Variants in UBR1 observed in about 807,000 individuals in gnomAD.
UBR1 encodes E3 ubiquitin-protein ligase UBR1.
In UBR1, 102 loss-of-function variants were observed where a neutral mutation model predicts 242.1. The ratio of observed to expected loss-of-function variants is 0.42; its 90% CI spans 0.36 to 0.50. The LOEUF is 0.50. Among genes scored for constraint, UBR1 ranks in the 20% least tolerant of loss-of-function variants. The pLI is 0.01. For missense variants in UBR1, 1,772 were observed against 2,101.8 expected (o/e 0.84, Z 3.07); for synonymous variants, 675 against 684.8 (o/e 0.99, Z 0.22).
chr15:43,093,105 T>C (rs1195108125), intron 1 of UBR1, among the ~76,000 whole-genome samples: 2 of 152,236 alleles, frequency 1.3e-5, no homozygotes, highest in African/African-American at 4.8e-5. Flanking sequence ...AAAAAACAAG[T>C]TCTTAACAAG....
At chr15:43,099,729 C>G (rs1261639369) in intron 1 of UBR1, among the ~76,000 whole-genome samples, 1 of 152,122 alleles carries the variant, frequency 6.6e-6, no homozygotes, top group Non-Finnish European at 1.5e-5. Flanking sequence ...CAGCTGTGAA[C>G]AAGCAACAGT....
intron 3 of UBR1, among the ~76,000 whole-genome samples, chr15:43,077,831 T>C (rs189074123): frequency 3.4e-4 from 52 of 152,230 alleles, no homozygotes; most frequent in African/African-American, 1.2e-3. Flanking sequence ...ATCCAAAATA[T>C]ACTACCTCAG....
intron 40 of UBR1, among the ~76,000 whole-genome samples, chr15:42,967,826 G>A (rs894658815): frequency 6.6e-6 from 1 of 151,708 alleles, no homozygotes; most frequent in Non-Finnish European, 1.5e-5. Context: ...AAAGGTGACT[G>A]ATGAGGGGAA....
chr15:42,958,399 G>A (rs2141253633), intron 43 of UBR1, among the ~76,000 whole-genome samples: 1 of 152,280 alleles, frequency 6.6e-6, no homozygotes, highest in South Asian at 2.1e-4. Context: ...TGAAATTAGA[G>A]CTGGTTACAA....
At chr15:43,020,580 CA>C (rs1231115185) in intron 27 of UBR1, among the ~76,000 whole-genome samples, 1 of 152,302 alleles carries the variant, frequency 6.6e-6, no homozygotes, top group East Asian at 1.9e-4. Flanking sequence ...CCATCTTGTA[CA>C]AATATAGATT....
chr15:43,029,350 G>A (rs1214401388), intron 21 of UBR1, among the ~76,000 whole-genome samples: 3 of 152,148 alleles, frequency 2.0e-5, no homozygotes, highest in Non-Finnish European at 4.4e-5. Flanking sequence ...TCTGATTACA[G>A]GGAGTAAATA....
intron 23 of UBR1, 169 bp downstream of exon 23, chr15:43,026,392 T>C: frequency 1.7e-6 from 1 of 590,016 alleles, no homozygotes. Flanking sequence ...ATCTGAATAT[T>C]GCCTGTATAC....
In UBR1 at chr15:43,028,756, A is replaced by C. The variant is rs556573082; in HGVS notation, c.2380-928T>G. Among the ~76,000 whole-genome samples the C allele has an allele frequency of 8.3e-4, 125 of 150,364 alleles. 2 individuals carry two copies. Among genetic ancestry groups the C allele is most frequent in the Middle Eastern group, 3.5e-3 (1 of 284 alleles). The stretch of plus-strand genomic sequence containing the variant: ...CAAGACTCCATCAAACAAAAAAAAA[A>C]AAACAAACAAACAACAACAAAAAAA... On this transcript the variant is annotated intron_variant, in intron 21 of 46. Transcript: ENST00000290650.
intron 43 of UBR1, among the ~76,000 whole-genome samples, chr15:42,960,110 A>AG (rs1318345669): frequency 2.0e-5 from 3 of 152,174 alleles, no homozygotes; most frequent in Non-Finnish European, 4.4e-5. Context: ...AGACTATATT[A>AG]GGGGAGGCTT....
chr15:43,010,924 AG>A (rs1380695094), intron 29 of UBR1, among the ~76,000 whole-genome samples: 1 of 151,404 alleles, frequency 6.6e-6, no homozygotes, highest in Non-Finnish European at 1.5e-5. Flanking sequence ...CAGGAGGCGG[AG>A]GTTGCAGTGA....
At chr15:43,008,941 C>T (rs2032875065) in intron 29 of UBR1, among the ~76,000 whole-genome samples, 1 of 152,170 alleles carries the variant, frequency 6.6e-6, no homozygotes, top group Admixed American at 6.5e-5. Flanking sequence ...ACTTTGGGTC[C>T]CTAGAGAGCT....
chr15:42,950,680 T>C, intron 45 of UBR1: 1 of 354,306 alleles, frequency 2.8e-6, no homozygotes, highest in Non-Finnish European at 5.3e-6. Context: ...GCTGGGGTTG[T>C]TTCTATTCTA....
intron 25 of UBR1, among the ~76,000 whole-genome samples, chr15:43,023,336 A>G (rs1440860306): frequency 6.6e-6 from 1 of 152,140 alleles, no homozygotes; most frequent in East Asian, 1.9e-4. Context: ...TCACTTCTGT[A>G]ATCCCAGCAC....
intron 2 of UBR1, among the ~76,000 whole-genome samples, chr15:43,084,808 A>G (rs944086287): frequency 2.0e-5 from 3 of 152,230 alleles, no homozygotes; most frequent in African/African-American, 7.2e-5. Context: ...AGTATGTTCT[A>G]AACAACTGTT....
At chr15:43,077,575 A>G (rs2033922588) in intron 3 of UBR1, among the ~76,000 whole-genome samples, 1 of 148,932 alleles carries the variant, frequency 6.7e-6, no homozygotes, top group African/African-American at 2.5e-5. Flanking sequence ...TTATCTGCTG[A>G]CCTTCCCTCC....
At chr15:42,989,937 A>G in intron 34 of UBR1, 93 bp downstream of exon 34, 1 of 913,588 alleles carries the variant, frequency 1.1e-6, no homozygotes, top group South Asian at 1.6e-5. Flanking sequence ...TATTTTACAA[A>G]TAAAAAAGTA....
chr15:42,979,019 C>G (rs375438894), intron 37 of UBR1, among the ~76,000 whole-genome samples: 1 of 151,052 alleles, frequency 6.6e-6, no homozygotes, highest in Non-Finnish European at 1.5e-5. Context: ...CTCAGCCTCC[C>G]GAGTAGCTGG....
chr15:43,096,876 C>T (rs2034168260), intron 1 of UBR1, among the ~76,000 whole-genome samples: 1 of 152,048 alleles, frequency 6.6e-6, no homozygotes, highest in African/African-American at 2.4e-5. Flanking sequence ...CAAAGTCATC[C>T]AGGAGGGTTG....
chr15:42,976,282 CA>C (rs1393226498), intron 39 of UBR1, among the ~76,000 whole-genome samples: 1 of 152,092 alleles, frequency 6.6e-6, no homozygotes, highest in East Asian at 1.9e-4. Flanking sequence ...AGCAGAACAA[CA>C]GTAAGATATA....
Sources: allele counts gnomAD v4.1 joint callset (sites outside exome capture counted in the v4.1 genomes callset), GRCh38; gene constraint gnomAD v4.1.1; transcripts MANE v1.5; gene names NCBI Gene and HGNC (gene_info 2026-07-23, HGNC 2026-07-21).